NACAD: variants seen among roughly 807,000 people sequenced by gnomAD.
NACAD encodes NAC-alpha domain-containing protein 1.
Under a neutral mutation model 98.9 loss-of-function variants are expected in NACAD, and 47 were observed. That is an observed-to-expected ratio of 0.48 (90% CI 0.38 to 0.61). The LOEUF is 0.61. Among genes scored for constraint, NACAD ranks in the 20% least tolerant of loss-of-function variants. The pLI is 0.00. For synonymous variants in NACAD, 696 were observed against 767.2 expected (o/e 0.91, Z 1.53); for missense variants, 1,412 against 1,748.2 (o/e 0.81, Z 3.43).
Position 45,082,370 on chromosome 7 carries a change from G to C in NACAD, c.3810C>G (p.Leu1270=), listed in dbSNP as rs1436449970. Reference sequence around the variant, plus strand: ...GCTGGACTCCTGCCTGGGGCGGTGGGAGGCCCAGAGAGCCTGGGGGCTCCT... The same window carrying C: ...GCTGGACTCCTGCCTGGGGCGGTGGCAGGCCCAGAGAGCCTGGGGGCTCCT... ...EDEEPPGSLG[L]PPPQAGVQPA... The change falls in exon 2 of 8, where the codon CTC becomes CTG. Residue 1270 remains leucine (L), a synonymous_variant. Transcript: ENST00000490531. This position sits in a 1 kb window ranked among gnomAD's most constrained non-coding sequence, Gnocchi z 4.5. 1 of 1,550,134 alleles carries C rather than the reference G, an allele frequency of 6.5e-7. No individual in the cohort carries two copies. Among genetic ancestry groups the C allele is most frequent in the South Asian group, 1.2e-5 (1 of 84,040 alleles).
At chr7:45,081,087 C>T in intron 5 of NACAD, 30 bp downstream of exon 5, 1 of 1,550,896 alleles carries the variant, frequency 6.4e-7, no homozygotes, top group Non-Finnish European at 8.7e-7. Flanking sequence ...TCCCTCGGAT[C>T]CCCCATTCCA....
Position 45,085,978 on chromosome 7 carries a change from C to G in NACAD, c.202G>C (p.Glu68Gln). The G allele has an allele frequency of 6.5e-7, 1 of 1,537,092 alleles. No individual in the cohort carries two copies. The highest frequency in any genetic ancestry group is 8.8e-7 in the Non-Finnish European group (1 of 1,141,992). The change falls in exon 2 of 8, where the codon GAG (glutamate) becomes CAG (glutamine). Residue 68 changes from glutamate (E) to glutamine (Q), a missense_variant. Transcript: ENST00000490531. The surrounding 1 kb of genome is among the most constrained non-coding windows in gnomAD (Gnocchi z 6.1). ...PSKPGARPQP[E>Q]GASWDAGPGG... is the part of the protein sequence containing the mutation. ...GGCCCTGCATCCCAGCTGGCTCCCT[C>G]GGGCTGGGGCCGGGCACCCGGCTTG...
chr7:45,082,313 CTG>C lies in NACAD; in HGVS notation c.3865_3866del (p.Gln1289AlafsTer63), dbSNP rs1260746123. The C allele has an allele frequency of 6.4e-7, 1 of 1,550,494 alleles. No homozygotes were observed. Among genetic ancestry groups the C allele is most frequent in the Non-Finnish European group, 8.7e-7 (1 of 1,146,982 alleles). Reference protein sequence around the residue: ...PAAAAVSGTTQPLGTGPRVSL... With the variant: ...PAAAAVSGTTXPLGTGPRVSL... ...TGACTCGCGGCCCAGTCCCCAGAGG[CTG>C]TGTGGTTCCTGAGACAGCAGCAGCG... On this transcript the variant is annotated frameshift_variant, in exon 2 of 8. Coordinates refer to ENST00000490531, the MANE Select transcript of NACAD (RefSeq NM_001146334.2). LOFTEE classifies it high-confidence loss of function. The surrounding 1 kb of genome is among the most constrained non-coding windows in gnomAD (Gnocchi z 4.5).
Position 45,082,102 on chromosome 7 carries a change from C to T in NACAD, c.4072+6G>A. ...CAGGGCACTTCACTCCCACCCTCTG[C>T]CTTACCTTCCTCCAGGCTGTCCTCA... On this transcript the variant is annotated splice_donor_region_variant and intron_variant, in intron 2 of 7. Coordinates refer to ENST00000490531, the MANE Select transcript of NACAD (RefSeq NM_001146334.2). The surrounding 1 kb of genome is among the most constrained non-coding windows in gnomAD (Gnocchi z 4.5). 1.4e-6 allele frequency: 2 copies of T among 1,468,220 alleles called. No homozygotes were observed. Among genetic ancestry groups the T allele is most frequent in the Non-Finnish European group, 1.8e-6 (2 of 1,108,788 alleles). 90.9% of individuals were successfully genotyped at this position (1,468,220 alleles called of 1,614,324 possible).
Position 45,085,081 on chromosome 7 carries a change from C to T in NACAD, c.1099G>A (p.Asp367Asn). The T allele has an allele frequency of 6.4e-7, 1 of 1,551,116 alleles. No individual in the cohort carries two copies. Among genetic ancestry groups the T allele is most frequent in the South Asian group, 1.2e-5 (1 of 84,030 alleles). The change falls in exon 2 of 8, where the codon GAC (aspartate) becomes AAC (asparagine). Residue 367 changes from aspartate (D) to asparagine (N), a missense_variant. Coordinates refer to ENST00000490531, the MANE Select transcript of NACAD (RefSeq NM_001146334.2). This position sits in a 1 kb window ranked among gnomAD's most constrained non-coding sequence, Gnocchi z 6.1. ...TSASFLQSLS[D>N]LSITEGMDEA... ...TCCATGCCCTCCGTGATGGACAGGT[C>T]AGACAGTGACTGCAGGAAGGAGGCA...
chr7:45,083,700 G>T lies in NACAD; in HGVS notation c.2480C>A (p.Ser827Tyr). The T allele has an allele frequency of 5.2e-6, 1 of 190,738 alleles. No individual in the cohort carries two copies. Among genetic ancestry groups the T allele is most frequent in the Non-Finnish European group, 8.9e-6 (1 of 112,114 alleles). 11.8% of individuals were successfully genotyped at this position (190,738 alleles called of 1,614,324 possible). The change falls in exon 2 of 8, where the codon TCC becomes TAC. Residue 827 changes from serine (S) to tyrosine (Y), a missense_variant. Physicochemically the swap from Ser to Tyr is moderately radical, Grantham distance 144 (BLOSUM62 -2). Around this residue, in one of 5 missense-constraint regions of NACAD, gnomAD observed 72 missense variants for 198.0 expected, o/e 0.36. Transcript: ENST00000490531. ...GGTGAGGCCCTCTTCAGCCTGCTGG[G>T]ACACAATCGTGGCTGCAGCCACAGG... is the stretch of plus-strand genomic sequence containing the variant. Reference protein sequence around the residue: ...PKPVAAATIVSQQAEEGLTLP... With the variant: ...PKPVAAATIVYQQAEEGLTLP...
Position 45,082,907 on chromosome 7 carries a change from A to G in NACAD, c.3273T>C (p.His1091=), listed in dbSNP as rs199907285. 30 of 1,550,976 alleles carry G rather than the reference A, an allele frequency of 1.9e-5. No homozygotes were observed. Among genetic ancestry groups the G allele is most frequent in the Admixed American group, 1.8e-4 (9 of 50,988 alleles). Residue 1091 remains histidine (H), a synonymous_variant, in exon 2 of 8, where the codon CAT becomes CAC. Coordinates refer to ENST00000490531, the MANE Select transcript of NACAD (RefSeq NM_001146334.2). This position sits in a 1 kb window ranked among gnomAD's most constrained non-coding sequence, Gnocchi z 4.5. Reference sequence around the variant, plus strand: ...CACCTCCAAGTGCTGACCTGGGTCCATGTTCCTGTGCCAGTGGCTTCAGGC... The same window carrying G: ...CACCTCCAAGTGCTGACCTGGGTCCGTGTTCCTGTGCCAGTGGCTTCAGGC... ...EGGLKPLAQE[H]GPRSALGGAR...
intron 7 of NACAD, 40 bp from the exon 8 acceptor site, chr7:45,080,563 A>T: frequency 6.4e-7 from 1 of 1,551,426 alleles, no homozygotes; most frequent in East Asian, 2.4e-5. Flanking sequence ...AGCACCCCGC[A>T]GTGGAGCCAA....
Position 45,083,192 on chromosome 7 carries a change from G to A in NACAD, c.2988C>T (p.Asp996=), listed in dbSNP as rs932728151. The A allele has an allele frequency of 2.6e-6, 4 of 1,550,884 alleles. No individual in the cohort carries two copies. The highest frequency in any genetic ancestry group is 3.5e-6 in the Non-Finnish European group (4 of 1,146,988). ...LPTVPEPAAL[D]QVQQDDPQPA... ...GCTGTGGGTCATCCTGTTGGACCTG[G>A]TCCAAGGCTGCAGGCTCCGGGACTG... The change falls in exon 2 of 8, where the codon GAC becomes GAT. Residue 996 remains aspartate (D), a synonymous_variant. Transcript: ENST00000490531.
intron 1 of NACAD, among the ~76,000 whole-genome samples, chr7:45,087,130 A>C (rs1487928641): frequency 6.6e-6 from 1 of 152,188 alleles, no homozygotes; most frequent in Non-Finnish European, 1.5e-5. Context: ...GAAAGGACTT[A>C]GGGGACTCAG....
rs13438759 is a variant in NACAD at position 45,085,109 on chromosome 7, C to T, written c.1071G>A (p.Thr357=). The T allele has an allele frequency of 0.035, 55,049 of 1,550,896 alleles. 3,081 individuals carry two copies. The highest frequency in any genetic ancestry group is 0.26 in the African/African-American group (18,736 of 73,082). ...ACAGTGACTGCAGGAAGGAGGCAGACGTGCTGTCCTCCTCACCCTCCCCAG... is the reference window on the plus strand; with the variant it reads ...ACAGTGACTGCAGGAAGGAGGCAGATGTGCTGTCCTCCTCACCCTCCCCAG... ...DLAGEGEEDS[T]SASFLQSLSD... is the part of the protein sequence containing the mutation. Residue 357 remains threonine, a synonymous_variant, in exon 2 of 8, where the codon ACG becomes ACA. Transcript: ENST00000490531. The surrounding 1 kb of genome is among the most constrained non-coding windows in gnomAD (Gnocchi z 6.1).
chr7:45,085,334 T>G lies in NACAD; in HGVS notation c.846A>C (p.Ala282=). 6.4e-7 allele frequency: 1 copy of G among 1,550,946 alleles called. No homozygotes were observed. ...EPPSSESSLS[A]DSSSSWGQEG... Reference sequence around the variant, plus strand: ...CCTGGCCCCAGGAGGAGCTGCTGTCTGCAGAGAGGCTGGACTCAGAGGACG... The same window carrying G: ...CCTGGCCCCAGGAGGAGCTGCTGTCGGCAGAGAGGCTGGACTCAGAGGACG... The change falls in exon 2 of 8, where the codon GCA becomes GCC. Residue 282 remains alanine (A), a synonymous_variant. Coordinates refer to ENST00000490531, the MANE Select transcript of NACAD (RefSeq NM_001146334.2). This position sits in a 1 kb window ranked among gnomAD's most constrained non-coding sequence, Gnocchi z 6.1.
rs1161032179 is a variant in NACAD, at chr7:45,085,745, C to T, written c.435G>A (p.Gly145=). 34 of 1,549,536 alleles carry T rather than the reference C, an allele frequency of 2.2e-5. No individual in the cohort carries two copies. Among genetic ancestry groups the T allele is most frequent in the Non-Finnish European group, 2.9e-5 (33 of 1,146,766 alleles). ...CGGGGGGTGGGTCTGGGCTTGCGTG[C>T]CCACCCTCCTGGTCCCTGAGCGCTG... ...ARTALRDQEG[G]HASPDPPPEL... Residue 145 remains glycine (G), a synonymous_variant, in exon 2 of 8, where the codon GGG becomes GGA. Coordinates refer to ENST00000490531, the MANE Select transcript of NACAD (RefSeq NM_001146334.2). The surrounding 1 kb of genome is among the most constrained non-coding windows in gnomAD (Gnocchi z 6.1).
At position 45,080,469 on chromosome 7, in the gene NACAD, T is replaced by A. The variant is rs73694279; in HGVS notation, c.*40A>T. On this transcript the variant is annotated 3_prime_UTR_variant, in exon 8 of 8. Coordinates refer to ENST00000490531, the MANE Select transcript of NACAD (RefSeq NM_001146334.2). Reference sequence around the variant, plus strand: ...ACACCGATTTATTGAGTAGCAGAGCTGAGGGAAGGCGTAGGATGGCTCCAG... The same window carrying A: ...ACACCGATTTATTGAGTAGCAGAGCAGAGGGAAGGCGTAGGATGGCTCCAG... The A allele has an allele frequency of 1.9e-3, 2,931 of 1,551,348 alleles. 47 individuals are homozygous for A. In the African/African-American group the frequency reaches 0.036, roughly 19 times the overall value.
In NACAD at chr7:45,082,661, G is replaced by T. The variant is rs1247997269; in HGVS notation, c.3519C>A (p.Pro1173=). The change falls in exon 2 of 8, where the codon CCC becomes CCA. Residue 1173 remains proline (P), a synonymous_variant. Coordinates refer to ENST00000490531, the MANE Select transcript of NACAD (RefSeq NM_001146334.2). This position sits in a 1 kb window ranked among gnomAD's most constrained non-coding sequence, Gnocchi z 4.5. ...GCTGCTGGGAGGTTGGTGCAGACGT[G>T]GGGGCAGGCGCGTCAGGGCAGCCTC... ...LDRGCPDAPA[P]TSAPTSQQPE... is the part of the protein sequence containing the mutation. The T allele has an allele frequency of 2.7e-6, 4 of 1,507,514 alleles. No individual in the cohort carries two copies. The highest frequency in any genetic ancestry group is 3.6e-6 in the Non-Finnish European group (4 of 1,124,268). 93.4% of individuals were successfully genotyped at this position (1,507,514 alleles called of 1,614,324 possible). A position where few individuals can be genotyped will look rare whatever the true frequency, so the allele number is the denominator to read the frequency against.
In NACAD at chr7:45,082,659, G is replaced by A. The variant is rs867288907; in HGVS notation, c.3521C>T (p.Thr1174Met). Residue 1174 changes from threonine (T) to methionine (M), a missense_variant, in exon 2 of 8, where the codon ACG (threonine) becomes ATG (methionine). Thr to Met is a moderately conservative substitution (Grantham distance 81). This residue lies in a region of NACAD where 572 missense variants were observed against 639.6 expected (regional missense o/e 0.89). Coordinates refer to ENST00000490531, the MANE Select transcript of NACAD (RefSeq NM_001146334.2). The surrounding 1 kb of genome is among the most constrained non-coding windows in gnomAD (Gnocchi z 4.5). The stretch of plus-strand genomic sequence containing the variant: ...CGGCTGCTGGGAGGTTGGTGCAGAC[G>A]TGGGGGCAGGCGCGTCAGGGCAGCC... ...DRGCPDAPAP[T>M]SAPTSQQPEP... The A allele has an allele frequency of 1.4e-5, 21 of 1,509,054 alleles. No individual in the cohort carries two copies. In the South Asian group the frequency reaches 1.8e-4, roughly 13 times the overall value. 93.5% of individuals were successfully genotyped at this position (1,509,054 alleles called of 1,614,324 possible).
At position 45,081,098 on chromosome 7, in the gene NACAD, C is replaced by T. The variant is rs1465359297; in HGVS notation, c.4404+19G>A. 1 of 1,551,200 alleles carries T rather than the reference C, an allele frequency of 6.4e-7. No individual in the cohort carries two copies. Among genetic ancestry groups the T allele is most frequent in the South Asian group, 1.2e-5 (1 of 84,022 alleles). Reference sequence around the variant, plus strand: ...CCTATCCCTCGGATCCCCCATTCCACCACAGCCGCCACCCAGACCTTGGCC... The same window carrying T: ...CCTATCCCTCGGATCCCCCATTCCATCACAGCCGCCACCCAGACCTTGGCC... On this transcript the variant is annotated intron_variant, in intron 5 of 7. Coordinates refer to ENST00000490531, the MANE Select transcript of NACAD (RefSeq NM_001146334.2).
At position 45,085,298 on chromosome 7, in the gene NACAD, G is replaced by C; in HGVS notation, c.882C>G (p.Phe294Leu). The change falls in exon 2 of 8, where the codon TTC (phenylalanine) becomes TTG (leucine). Residue 294 changes from phenylalanine to leucine, a missense_variant. By Grantham distance (22) the Phe-to-Leu change is conservative (BLOSUM62 0). Coordinates refer to ENST00000490531, the MANE Select transcript of NACAD (RefSeq NM_001146334.2). The surrounding 1 kb of genome is among the most constrained non-coding windows in gnomAD (Gnocchi z 6.1). ...CATTGGCCAGGAAGTCCAGGTCGAAGAAGTGGCCCTCCTGGCCCCAGGAGG... is the reference window on the plus strand; with the variant it reads ...CATTGGCCAGGAAGTCCAGGTCGAACAAGTGGCCCTCCTGGCCCCAGGAGG... ...SSSSWGQEGH[F>L]FDLDFLANDP... 1 of 1,551,238 alleles carries C rather than the reference G, an allele frequency of 6.4e-7. No individual in the cohort carries two copies. Among genetic ancestry groups the C allele is most frequent in the South Asian group, 1.2e-5 (1 of 84,064 alleles).
Position 45,088,553 on chromosome 7 carries a change from G to A in NACAD, c.67+275C>T, listed in dbSNP as rs1478487187. On this transcript the variant is annotated intron_variant, in intron 1 of 7. Transcript: ENST00000490531. This position sits in a 1 kb window ranked among gnomAD's most constrained non-coding sequence, Gnocchi z 5.7. ...AACAACGGGATGCAGCGGGCGGGAT[G>A]CGAGCCCCACGATCCCTGGGTCGGA... Among the ~76,000 whole-genome samples the A allele has an allele frequency of 6.6e-6, 1 of 152,220 alleles. No homozygotes were observed. Among genetic ancestry groups the A allele is most frequent in the Non-Finnish European group, 1.5e-5 (1 of 68,034 alleles).
Sources: gnomAD v4.1 joint callset for allele counts (sites outside exome capture counted in the v4.1 genomes callset) on GRCh38, gnomAD v4.1.1 for gene constraint, gnomAD v4.1.1 regional missense constraint, Gnocchi (gnomAD v3.1) non-coding constraint, MANE v1.5 for transcripts, NCBI Gene and HGNC (gene_info 2026-07-23, HGNC 2026-07-21) for gene names.